Variants in MFHAS1 observed in about 807,000 individuals in gnomAD.
MFHAS1 encodes multifunctional ROCO family signaling regulator 1.
Under a neutral mutation model 70.4 loss-of-function variants are expected in MFHAS1, and 50 were observed. The observed-to-expected ratio is 0.71, with a 90% CI of 0.57 to 0.90. The LOEUF (loss-of-function observed/expected upper bound fraction) is 0.90. MFHAS1 is among the 40% of genes least tolerant of loss of function. The pLI, the probability that MFHAS1 is intolerant of heterozygous loss-of-function variation, is 0.00. For synonymous variants in MFHAS1, 952 were observed against 620.0 expected (o/e 1.54, Z -7.96); for missense variants, 1,795 against 1,347.6 (o/e 1.33, Z -5.20).
chr8:8,792,923 A>C (rs1805766705), intron 2 of MFHAS1, among the ~76,000 whole-genome samples: 1 of 152,204 alleles, frequency 6.6e-6, no homozygotes, highest in South Asian at 2.1e-4. Context: ...GTGAATGTTC[A>C]CCTCATCTTA....
rs181451865 is a variant in MFHAS1, at chr8:8,795,018, A to G, written c.3125+2347T>C. Among the ~76,000 whole-genome samples, 195 of 152,352 alleles carry G rather than the reference A, an allele frequency of 1.3e-3. 1 individual carries two copies. Among genetic ancestry groups the G allele is most frequent in the South Asian group, 3.7e-3 (18 of 4,832 alleles). Reference sequence around the variant, plus strand: ...CCAGGAAGGTTTCTAGCGCAAATGGATATTTTAACTCCTACCTCTATCGCA... The same window carrying G: ...CCAGGAAGGTTTCTAGCGCAAATGGGTATTTTAACTCCTACCTCTATCGCA... On this transcript the variant is annotated intron_variant, in intron 2 of 2. Coordinates refer to ENST00000276282, the MANE Select transcript of MFHAS1 (RefSeq NM_004225.3).
intron 1 of MFHAS1, among the ~76,000 whole-genome samples, chr8:8,888,395 G>A (rs1017999630): frequency 2.0e-5 from 3 of 152,018 alleles, no homozygotes; most frequent in African/African-American, 2.4e-5. Context: ...TCACCCCTCC[G>A]GGTCCCCTGG....
chr8:8,793,013 G>A (rs551919329), intron 2 of MFHAS1, among the ~76,000 whole-genome samples: 1 of 152,086 alleles, frequency 6.6e-6, no homozygotes, highest in East Asian at 1.9e-4. Context: ...AATCAGCAAG[G>A]GGGAGAAGAA....
At chr8:8,827,218 T>A (rs1807196338) in intron 1 of MFHAS1, among the ~76,000 whole-genome samples, 1 of 152,240 alleles carries the variant, frequency 6.6e-6, no homozygotes, top group Non-Finnish European at 1.5e-5. Flanking sequence ...CTACCTCTAT[T>A]TTTTGCTAGT....
At chr8:8,848,115 G>C (rs143678112) in intron 1 of MFHAS1, among the ~76,000 whole-genome samples, 294 of 152,308 alleles carry the variant, frequency 1.9e-3, no homozygotes, top group African/African-American at 6.7e-3. Flanking sequence ...TTTCCACCCA[G>C]CCCGCCCAGG....
At chr8:8,852,370 A>T (rs1328849139) in intron 1 of MFHAS1, among the ~76,000 whole-genome samples, 1 of 152,066 alleles carries the variant, frequency 6.6e-6, no homozygotes, top group African/African-American at 2.4e-5. Flanking sequence ...GCTACTTGGG[A>T]GGCTGAGGCA....
At chr8:8,799,956 C>T (rs550383268) in intron 1 of MFHAS1, among the ~76,000 whole-genome samples, 15 of 152,238 alleles carry the variant, frequency 9.9e-5, no homozygotes, top group Non-Finnish European at 1.8e-4. Context: ...ATGCGATGTA[C>T]CCAGAGTCAG....
chr8:8,881,815 CAA>C (rs35891401), intron 1 of MFHAS1, among the ~76,000 whole-genome samples: 9 of 59,356 alleles, frequency 1.5e-4, no homozygotes, highest in Admixed American at 1.7e-4. Context: ...GACTCCGTCT[CAA>C]AAAAAAAAAA....
In MFHAS1 at chr8:8,892,928, C is replaced by T. The variant is rs747520161; in HGVS notation, c.131G>A (p.Gly44Glu). Residue 44 changes from glycine to glutamate, a missense_variant, in exon 1 of 3, where the codon GGG becomes GAG. Physicochemically the swap from Gly to Glu is moderately conservative, Grantham distance 98. Coordinates refer to ENST00000276282, the MANE Select transcript of MFHAS1 (RefSeq NM_004225.3). This position sits in a 1 kb window ranked among gnomAD's most constrained non-coding sequence, Gnocchi z 4.7. Reference protein sequence around the residue: ...LTAAGACPGAGADALESPASP... With the variant: ...LTAAGACPGAEADALESPASP... ...GGCGGGGGACTCGAGCGCGTCGGCC[C>T]CGGCCCCGGGGCAGGCCCCGGCGGC... 1 of 1,551,692 alleles carries T rather than the reference C, an allele frequency of 6.4e-7. No homozygotes were observed. The highest frequency in any genetic ancestry group is 8.7e-7 in the Non-Finnish European group (1 of 1,151,852).
At chr8:8,815,941 G>A (rs1031720342) in intron 1 of MFHAS1, among the ~76,000 whole-genome samples, 3 of 152,152 alleles carry the variant, frequency 2.0e-5, no homozygotes, top group African/African-American at 7.2e-5. Context: ...AACAAATTGT[G>A]GCATATTCGT....
At chr8:8,839,481 G>A (rs1327118252) in intron 1 of MFHAS1, among the ~76,000 whole-genome samples, 1 of 152,160 alleles carries the variant, frequency 6.6e-6, no homozygotes, top group Non-Finnish European at 1.5e-5. Flanking sequence ...GGCTGGAAAT[G>A]AGATATCCTA....
intron 1 of MFHAS1, among the ~76,000 whole-genome samples, chr8:8,875,820 C>G (rs1187639332): frequency 6.6e-6 from 1 of 152,118 alleles, no homozygotes; most frequent in East Asian, 1.9e-4. Context: ...AACTCGTGAC[C>G]TCGTGATCCG....
intron 1 of MFHAS1, among the ~76,000 whole-genome samples, chr8:8,810,133 G>A (rs573156068): frequency 6.6e-6 from 1 of 152,314 alleles, no homozygotes; most frequent in Admixed American, 6.5e-5. Flanking sequence ...TTGGGAGGCC[G>A]AGGCGGGCAG....
chr8:8,867,657 A>C (rs1444726805), intron 1 of MFHAS1, among the ~76,000 whole-genome samples: 5 of 151,522 alleles, frequency 3.3e-5, no homozygotes, highest in Non-Finnish European at 7.4e-5. Context: ...TCCCGGGTTC[A>C]TGCCATTCTC....
chr8:8,791,969 C>T (rs960747544), intron 2 of MFHAS1, among the ~76,000 whole-genome samples: 1 of 152,164 alleles, frequency 6.6e-6, no homozygotes, highest in Non-Finnish European at 1.5e-5. Flanking sequence ...CGGCCAGGCA[C>T]GGTGGCTCAC....
chr8:8,880,909 T>C (rs111699601), intron 1 of MFHAS1, among the ~76,000 whole-genome samples: 29,900 of 151,956 alleles, frequency 0.2, 3,374 homozygotes, highest in African/African-American at 0.31. Flanking sequence ...GTTCTCGAAC[T>C]CCTGACCTCA....
chr8:8,892,675 CGCGCCCAGG>C lies in MFHAS1; in HGVS notation c.375_383del (p.Leu126_Ala128del). ...GCTCCCTCAGAGCACTCACCACCTCCGCGCCCAGGGCGGTCAGCCGGTTGTGGCTCACGT... is the reference window on the plus strand; with the variant it reads ...GCTCCCTCAGAGCACTCACCACCTCCGCGGTCAGCCGGTTGTGGCTCACGT... On this transcript the variant is annotated inframe_deletion, in exon 1 of 3. Transcript: ENST00000276282. The surrounding 1 kb of genome is among the most constrained non-coding windows in gnomAD (Gnocchi z 4.7). 1 of 1,583,136 alleles carries C rather than the reference CGCGCCCAGG, an allele frequency of 6.3e-7. No individual in the cohort carries two copies. Among genetic ancestry groups the C allele is most frequent in the African/African-American group, 1.3e-5 (1 of 74,484 alleles).
Position 8,839,872 on chromosome 8 carries a change from A to G in MFHAS1, c.2999-42381T>C, listed in dbSNP as rs905208162. ...TACAGTGGAAGATCCAGAACCTACC[A>G]TGCCTGGACTGTCTCAGATGAGTAT... On this transcript the variant is annotated intron_variant, in intron 1 of 2. Coordinates refer to ENST00000276282, the MANE Select transcript of MFHAS1 (RefSeq NM_004225.3). Among the ~76,000 whole-genome samples the G allele has an allele frequency of 2.0e-4, 31 of 152,198 alleles. 1 individual carries two copies. The highest frequency in any genetic ancestry group is 2.0e-3 in the Admixed American group (31 of 15,270).
chr8:8,855,684 ACTCT>A (rs2116880258), intron 1 of MFHAS1, among the ~76,000 whole-genome samples: 1 of 152,036 alleles, frequency 6.6e-6, no homozygotes, highest in South Asian at 2.1e-4. Flanking sequence ...GGCAAAACCT[ACTCT>A]CTACTAAAAA....
Sources: gnomAD v4.1 joint callset for allele counts (sites outside exome capture counted in the v4.1 genomes callset) on GRCh38, gnomAD v4.1.1 for gene constraint, Gnocchi (gnomAD v3.1) non-coding constraint, MANE v1.5 for transcripts, NCBI Gene and HGNC (gene_info 2026-07-23, HGNC 2026-07-21) for gene names.